The following PKIG variants were observed in gnomAD, a reference collection of about 807,000 sequenced individuals.
PKIG encodes the protein protein kinase (cAMP-dependent, catalytic) inhibitor gamma.
A neutral mutation model predicts 6.8 loss-of-function variants in PKIG; 1 was observed. The observed-to-expected ratio is 0.15, with a 90% confidence interval of 0.05 to 0.69. PKIG has a LOEUF of 0.69. Among genes scored for constraint, PKIG ranks in the 30% least tolerant of loss-of-function variants. PKIG has a pLI of 0.82. For missense variants in PKIG, 77 were observed against 104.0 expected, an observed-to-expected ratio of 0.74 and a Z score of 1.13; for synonymous variants, 39 against 43.0, an observed-to-expected ratio of 0.91 and a Z score of 0.36.
At chr20:44,569,172 C>T (rs6073483) in intron 1 of PKIG, among the ~76,000 whole-genome samples, 3 of 152,146 alleles carry the variant, frequency 2.0e-5, no homozygotes, top group African/African-American at 7.2e-5. Context: ...CCATTTTCAC[C>T]TACATTTTCT....
chr20:44,582,434 G>A (rs909910454), upstream of PKIG: 3 of 152,320 alleles, frequency 2.0e-5, no homozygotes, highest in Non-Finnish European at 4.4e-5. Context: ...AAAGGAAATG[G>A]ATCTCTCCTG....
In PKIG at chr20:44,610,498, T is replaced by TCACACACA. The variant is rs1379954369; in HGVS notation, c.-23-4035_-23-4034insACACACAC. ...TCTCTCTCTCTCTTCTCTCTCTCTC[T>TCACACACA]CTCACACACACACACACACACACAC... On this transcript the variant is annotated intron_variant, in intron 2 of 3. Transcript: ENST00000372886. Among the ~76,000 whole-genome samples, 389 of 119,622 alleles carry TCACACACA rather than the reference T, an allele frequency of 3.3e-3. 3 individuals are homozygous for TCACACACA. Among genetic ancestry groups the TCACACACA allele is most frequent in the African/African-American group, 0.011 (332 of 29,482 alleles). 78.5% of individuals were successfully genotyped at this position (119,622 alleles called of 152,430 possible).
chr20:44,618,170 C>T (rs2065287104), intron 3 of PKIG, 115 bp from the exon 4 acceptor site: 1 of 746,256 alleles, frequency 1.3e-6, no homozygotes, highest in Middle Eastern at 2.4e-4. Flanking sequence ...TCCAGCTCGT[C>T]TTGCTCCCCA....
chr20:44,603,422 G>A (rs1197081811), intron 2 of PKIG, among the ~76,000 whole-genome samples: 1 of 152,154 alleles, frequency 6.6e-6, no homozygotes, highest in Admixed American at 6.5e-5. Context: ...CTTTGCTGAG[G>A]TGAGGGGAGT....
rs962146626 is a variant in PKIG, at chr20:44,597,087, CAT to C, written c.-24+7222_-24+7223del. Among the ~76,000 whole-genome samples, 31 of 152,262 alleles carry C rather than the reference CAT, an allele frequency of 2.0e-4. 1 individual carries two copies. Among genetic ancestry groups the C allele is most frequent in the African/African-American group, 7.2e-4 (30 of 41,554 alleles). ...TGGTTTCTAAACTCCTCTCTCTCAT[CAT>C]GTGTGTGGGCTGTGATACCCAACCA... On this transcript the variant is annotated intron_variant, in intron 2 of 3. Transcript: ENST00000372886.
At chr20:44,563,924 G>T (rs566666045) in intron 1 of PKIG, among the ~76,000 whole-genome samples, 1 of 152,210 alleles carries the variant, frequency 6.6e-6, no homozygotes, top group South Asian at 2.1e-4. Context: ...CCTGACATTT[G>T]ATTTTTATTT....
chr20:44,542,608 A>C (rs1031902684), intron 1 of PKIG, among the ~76,000 whole-genome samples: 1 of 151,674 alleles, frequency 6.6e-6, no homozygotes, highest in African/African-American at 2.4e-5. Context: ...TTTTTTCGAG[A>C]TGGAGTCTAG....
intron 1 of PKIG, among the ~76,000 whole-genome samples, chr20:44,543,269 T>C (rs1029348069): frequency 6.6e-6 from 1 of 152,156 alleles, no homozygotes. Context: ...TCAGCTGTTA[T>C]GTTTATTACT....
chr20:44,554,604 G>A (rs1446168217), intron 1 of PKIG, among the ~76,000 whole-genome samples: 2 of 152,090 alleles, frequency 1.3e-5, no homozygotes, highest in Non-Finnish European at 2.9e-5. Context: ...TACCAGTGGG[G>A]ACAGAGCTGG....
At chr20:44,579,551 A>G (rs1160813996), upstream of PKIG, among the ~76,000 whole-genome samples, 1 of 152,222 alleles carries the variant, frequency 6.6e-6, no homozygotes. Context: ...AGATGTGAAT[A>G]TTAATAATGT....
At chr20:44,558,574 T>TTTTTCTTTCTTTCTTTC (rs1555835146) in intron 1 of PKIG, among the ~76,000 whole-genome samples, 2 of 131,900 alleles carry the variant, frequency 1.5e-5, no homozygotes, top group African/African-American at 6.2e-5. Flanking sequence ...TTTTTTTCTT[T>TTTTTCTTTCTTTCTTTC]TTTCTTTCTT....
chr20:44,568,488 A>T (rs2064828503), intron 1 of PKIG, among the ~76,000 whole-genome samples: 1 of 150,764 alleles, frequency 6.6e-6, no homozygotes. Flanking sequence ...TTTTTTTGAG[A>T]CAAAGTCTTA....
chr20:44,551,698 C>G (rs1202717637), intron 1 of PKIG, among the ~76,000 whole-genome samples: 2 of 152,172 alleles, frequency 1.3e-5, no homozygotes, highest in Non-Finnish European at 2.9e-5. Flanking sequence ...TGTTGAGTGT[C>G]ATTGACTTGA....
At chr20:44,537,110 A>G (rs997567906) in intron 1 of PKIG, among the ~76,000 whole-genome samples, 26 of 150,354 alleles carry the variant, frequency 1.7e-4, no homozygotes, top group African/African-American at 6.1e-4. Flanking sequence ...TTGTATTATT[A>G]TTATTTTTTT....
upstream of PKIG, among the ~76,000 whole-genome samples, chr20:44,579,717 C>G (rs529002793): frequency 6.6e-6 from 1 of 152,348 alleles, no homozygotes; most frequent in South Asian, 2.1e-4. Flanking sequence ...TTCCGGGATT[C>G]TGTCACAGAC....
At chr20:44,601,323 C>A (rs988970307) in intron 2 of PKIG, among the ~76,000 whole-genome samples, 3 of 152,278 alleles carry the variant, frequency 2.0e-5, no homozygotes, top group Admixed American at 1.3e-4. Flanking sequence ...CCCAGGGCCA[C>A]TCTTTGAATG....
At chr20:44,575,418 C>T (rs531793586) in intron 1 of PKIG, among the ~76,000 whole-genome samples, 2 of 152,246 alleles carry the variant, frequency 1.3e-5, no homozygotes, top group East Asian at 3.9e-4. Flanking sequence ...GGGGTTTTGC[C>T]ATGTTGGCCA....
chr20:44,535,768 A>G (rs1401472771), intron 1 of PKIG, among the ~76,000 whole-genome samples: 1 of 152,258 alleles, frequency 6.6e-6, no homozygotes, highest in Non-Finnish European at 1.5e-5. Context: ...TGTTTATAAT[A>G]AAAATGTCTG....
At chr20:44,549,094 CTT>C (rs2064644443) in intron 1 of PKIG, among the ~76,000 whole-genome samples, 1 of 152,164 alleles carries the variant, frequency 6.6e-6, no homozygotes. Flanking sequence ...AGTTTTAAAA[CTT>C]TTAAAACTAC....
Sources: gnomAD v4.1 joint callset for allele counts (sites outside exome capture counted in the v4.1 genomes callset) on GRCh38, gnomAD v4.1.1 for gene constraint, MANE v1.5 for transcripts, NCBI Gene and HGNC (gene_info 2026-07-23, HGNC 2026-07-21) for gene names.